The following CNBD1 variants were observed in gnomAD, a reference collection of about 807,000 sequenced individuals.
The protein encoded by CNBD1 is cyclic nucleotide binding domain containing 1, also known as cyclic nucleotide-binding domain-containing protein 1.
CNBD1 carries 71 observed loss-of-function variants against 54.4 expected under a neutral mutation model. That is an observed-to-expected ratio of 1.30 (90% CI 1.08 to 1.59). The LOEUF (loss-of-function observed/expected upper bound fraction) is 1.59, where lower values mean the gene tolerates loss of function less well. Ranked by LOEUF, CNBD1 falls within the 40% of genes most tolerant of loss-of-function variation. The pLI is 0.00. For missense variants in CNBD1, 659 were observed against 518.0 expected, an observed-to-expected ratio of 1.27 and a Z score of -2.64; for synonymous variants, 182 against 170.7, an observed-to-expected ratio of 1.07 and a Z score of -0.51.
rs1370978560 is a variant in CNBD1, at chr8:87,281,569, T to G, written c.772-3109T>G. 1.0e-3 allele frequency among the ~76,000 whole-genome samples: 23 copies of G among 22,828 alleles called. 1 individual carries two copies. The highest frequency in any genetic ancestry group is 3.8e-3 in the Admixed American group (11 of 2,912). The allele number at this position is 22,828 out of a possible 152,430, so 15.0% of individuals were successfully genotyped here. ...ATATATATATATATATATATATATA[T>G]ATATATATATATATATATATATATA... On this transcript the variant is annotated intron_variant, in intron 6 of 10. Coordinates refer to ENST00000518476, the MANE Select transcript of CNBD1 (RefSeq NM_173538.3).
chr8:87,041,794 G>A (rs549928687), intron 4 of CNBD1, among the ~76,000 whole-genome samples: 7 of 152,108 alleles, frequency 4.6e-5, no homozygotes, highest in African/African-American at 4.8e-5. Flanking sequence ...GCAAGACTCC[G>A]TCTCAAAAAA....
At chr8:87,384,227 A>G (rs1415266218), downstream of CNBD1, among the ~76,000 whole-genome samples, 1 of 152,116 alleles carries the variant, frequency 6.6e-6, no homozygotes, top group Non-Finnish European at 1.5e-5. Context: ...TGTAGCCATT[A>G]GATATTTTTA....
intron 4 of CNBD1, among the ~76,000 whole-genome samples, chr8:87,118,929 C>T (rs943222619): frequency 1.3e-5 from 2 of 152,182 alleles, no homozygotes; most frequent in Non-Finnish European, 2.9e-5. Flanking sequence ...AAGCCTCAGG[C>T]ATAGGCTTAC....
intron 4 of CNBD1, among the ~76,000 whole-genome samples, chr8:87,077,758 T>C (rs926130471): frequency 6.6e-5 from 10 of 152,080 alleles, no homozygotes; most frequent in Non-Finnish European, 1.5e-4. Context: ...CATCCTTTTT[T>C]ATGGCTGCAT....
At chr8:86,964,564 C>T (rs1206089313) in intron 4 of CNBD1, among the ~76,000 whole-genome samples, 1 of 152,196 alleles carries the variant, frequency 6.6e-6, no homozygotes, top group Non-Finnish European at 1.5e-5. Context: ...CATCTGAAAA[C>T]CTGCTTGGAT....
chr8:87,172,218 T>C (rs570824895), intron 4 of CNBD1, among the ~76,000 whole-genome samples: 67 of 152,178 alleles, frequency 4.4e-4, no homozygotes, highest in Non-Finnish European at 9.0e-4. Context: ...CTTTCTTTCA[T>C]TGTGGTCGAA....
chr8:87,004,177 C>T (rs1226338528), intron 4 of CNBD1, among the ~76,000 whole-genome samples: 2 of 152,100 alleles, frequency 1.3e-5, no homozygotes, highest in East Asian at 3.9e-4. Context: ...TTAATTGGCT[C>T]ATAGTTCTGC....
intron 2 of CNBD1, among the ~76,000 whole-genome samples, chr8:86,900,807 G>T (rs1434277135): frequency 5.3e-5 from 8 of 152,114 alleles, no homozygotes; most frequent in Admixed American, 2.0e-4. Context: ...AACCTTTTAT[G>T]ACTGATCAAT....
intron 5 of CNBD1, among the ~76,000 whole-genome samples, chr8:87,234,586 G>C (rs575606795): frequency 1.3e-5 from 2 of 152,098 alleles, no homozygotes; most frequent in African/African-American, 4.8e-5. Flanking sequence ...TCAACAGTGG[G>C]CTTCAAATAT....
At chr8:86,950,214 C>CCACG (rs1471367869) in intron 4 of CNBD1, among the ~76,000 whole-genome samples, 1 of 151,696 alleles carries the variant, frequency 6.6e-6, no homozygotes, top group African/African-American at 2.4e-5. Context: ...GTGCGTGCCA[C>CCACG]CACGCCTGGC....
chr8:87,184,797 A>G lies in CNBD1; in HGVS notation c.432-21196A>G, dbSNP rs150944369. 1.1e-3 allele frequency among the ~76,000 whole-genome samples: 170 copies of G among 152,018 alleles called. 1 individual carries two copies. The highest frequency in any genetic ancestry group is 3.9e-3 in the African/African-American group (163 of 41,482). On this transcript the variant is annotated intron_variant, in intron 4 of 10. Transcript: ENST00000518476. ...TATTCAGAGTCTGCTGGTGTACTTGATGGCATGGTCTCTCTCAGTGGGAGA... is the reference window on the plus strand; with the variant it reads ...TATTCAGAGTCTGCTGGTGTACTTGGTGGCATGGTCTCTCTCAGTGGGAGA...
intron 2 of CNBD1, among the ~76,000 whole-genome samples, chr8:87,401,831 A>C (rs1411618986): frequency 1.3e-5 from 2 of 152,072 alleles, no homozygotes; most frequent in African/African-American, 4.8e-5. Flanking sequence ...AAGGAACACC[A>C]ATATCATTTG....
At chr8:87,093,068 A>C (rs573732811) in intron 4 of CNBD1, among the ~76,000 whole-genome samples, 1 of 152,094 alleles carries the variant, frequency 6.6e-6, no homozygotes, top group East Asian at 1.9e-4. Context: ...GAATAAACAC[A>C]ATCTTTTCTT....
intron 8 of CNBD1, among the ~76,000 whole-genome samples, chr8:87,336,646 C>A (rs1030496352): frequency 6.6e-5 from 10 of 152,102 alleles, no homozygotes; most frequent in Admixed American, 2.6e-4. Context: ...AGAACATGCT[C>A]CTTTACCTCA....
intron 6 of CNBD1, among the ~76,000 whole-genome samples, chr8:87,258,997 C>T (rs1355545747): frequency 6.6e-6 from 1 of 152,106 alleles, no homozygotes; most frequent in African/African-American, 2.4e-5. Flanking sequence ...CATTTACATT[C>T]TCATACCTTC....
chr8:87,316,485 G>C (rs1809390829), intron 8 of CNBD1, among the ~76,000 whole-genome samples: 1 of 151,930 alleles, frequency 6.6e-6, no homozygotes, highest in Non-Finnish European at 1.5e-5. Flanking sequence ...CATGTTTCAG[G>C]ACTGATTTAA....
intron 4 of CNBD1, among the ~76,000 whole-genome samples, chr8:87,081,288 T>G (rs753795076): frequency 6.6e-6 from 1 of 152,124 alleles, no homozygotes; most frequent in South Asian, 2.1e-4. Context: ...TGTTTAATTT[T>G]TACTTATTTG....
At chr8:87,313,787 T>G (rs1382930767) in intron 8 of CNBD1, among the ~76,000 whole-genome samples, 1 of 151,956 alleles carries the variant, frequency 6.6e-6, no homozygotes, top group East Asian at 1.9e-4. Flanking sequence ...AATGCTTATA[T>G]GCATTTAATT....
At chr8:87,327,670 G>A (rs1809712424) in intron 8 of CNBD1, among the ~76,000 whole-genome samples, 1 of 152,122 alleles carries the variant, frequency 6.6e-6, no homozygotes, top group African/African-American at 2.4e-5. Flanking sequence ...CTCGTGCCCG[G>A]TGCGCACACC....
Sources: allele counts gnomAD v4.1 joint callset (sites outside exome capture counted in the v4.1 genomes callset), GRCh38; gene constraint gnomAD v4.1.1; transcripts MANE v1.5; gene names NCBI Gene and HGNC (gene_info 2026-07-23, HGNC 2026-07-21).